Variants in HSPG2 observed in about 807,000 individuals in gnomAD.
HSPG2 encodes the protein heparan sulfate proteoglycan 2.
Under a neutral mutation model 526.6 loss-of-function variants are expected in HSPG2, and 278 were observed. That is an observed-to-expected ratio of 0.53 (90% CI 0.48 to 0.58). HSPG2 has a LOEUF of 0.58. Among genes scored for constraint, HSPG2 ranks in the 20% least tolerant of loss-of-function variants. HSPG2 has a pLI of 0.00. For missense variants in HSPG2, 5,354 were observed against 6,099.5 expected (o/e 0.88, Z 4.07); for synonymous variants, 2,465 against 2,555.4 (o/e 0.96, Z 1.07).
chr1:21,893,658 C>T lies in HSPG2; in HGVS notation c.244+2264G>A, dbSNP rs1433760071. 2.0e-5 allele frequency among the ~76,000 whole-genome samples: 3 copies of T among 151,854 alleles called. No homozygotes were observed. Among genetic ancestry groups the T allele is most frequent in the African/African-American group, 7.3e-5 (3 of 41,354 alleles). On this transcript the variant is annotated intron_variant, in intron 3 of 96. Transcript: ENST00000374695. This position sits in a 1 kb window ranked among gnomAD's most constrained non-coding sequence, Gnocchi z 4.3. ...ACGGGCGGGCGGCCCAGGGGCTGCC[C>T]TGAGCCTGCAGAGTAGAGACAGAGA... is the stretch of plus-strand genomic sequence containing the variant.
At position 21,919,627 on chromosome 1, in the gene HSPG2, A is replaced by G. The variant is rs188188308; in HGVS notation, c.63+17528T>C. Among the ~76,000 whole-genome samples, 15 of 152,212 alleles carry G rather than the reference A, an allele frequency of 9.9e-5. 2 individuals are homozygous for G. Among genetic ancestry groups the G allele is most frequent in the African/African-American group, 3.6e-4 (15 of 41,524 alleles). ...CAGGGGTGGTTTTCAGGATGAAATG[A>G]GACAGCAGACGGAAAGCAGCCCTTC... On this transcript the variant is annotated intron_variant, in intron 1 of 96. Coordinates refer to ENST00000374695, the MANE Select transcript of HSPG2 (RefSeq NM_005529.7).
At position 21,848,582 on chromosome 1, in the gene HSPG2, C is replaced by T; in HGVS notation, c.7737+61G>A. 2 of 1,579,240 alleles carry T rather than the reference C, an allele frequency of 1.3e-6. No homozygotes were observed. ...ACAGAGTGAGGTGCTGAGAGTCCCCCCTCTTCCCATTGGGGGCTGGTGTGC... is the reference window on the plus strand; with the variant it reads ...ACAGAGTGAGGTGCTGAGAGTCCCCTCTCTTCCCATTGGGGGCTGGTGTGC... On this transcript the variant is annotated intron_variant, in intron 59 of 96. Coordinates refer to ENST00000374695, the MANE Select transcript of HSPG2 (RefSeq NM_005529.7). The surrounding 1 kb of genome is among the most constrained non-coding windows in gnomAD (Gnocchi z 4.9).
chr1:21,833,645 C>A, intron 78 of HSPG2, 31 bp from the exon 79 acceptor site: 1 of 1,613,638 alleles, frequency 6.2e-7, no homozygotes, highest in Non-Finnish European at 8.5e-7. Context: ...AGGGCCCTGG[C>A]CTTGGCCCAC....
rs28546127 is a variant in HSPG2, at chr1:21,873,980, C to T, written c.3688G>A (p.Gly1230Ser). The T allele has an allele frequency of 0.036, 58,356 of 1,606,120 alleles. 2,000 individuals carry two copies. Among genetic ancestry groups the T allele is most frequent in the African/African-American group, 0.18 (13,585 of 74,852 alleles). ...AAHTCFLDTDGHPTCDACSPG... is the reference protein window; with the variant it reads ...AAHTCFLDTDSHPTCDACSPG... ...GAGCACGCATCACAGGTGGGGTGGC[C>T]GTCTGTGTCCAGAAAACAAGTGTGG... Residue 1230 changes from glycine (G) to serine (S), a missense_variant, in exon 29 of 97, where the codon GGC becomes AGC. By Grantham distance (56) the Gly-to-Ser change is moderately conservative. Transcript: ENST00000374695.
chr1:21,908,253 G>C (rs1643484556), intron 1 of HSPG2: 1 of 1,015,882 alleles, frequency 9.8e-7, no homozygotes, highest in Non-Finnish European at 1.5e-6. Flanking sequence ...AAAAAGGAAC[G>C]CCCCACAAGT....
intron 28 of HSPG2, 26 bp downstream of exon 28, chr1:21,874,380 C>T (rs1372771498): frequency 1.2e-6 from 2 of 1,610,600 alleles, no homozygotes. Flanking sequence ...CAGGGAAGGG[C>T]AGGTGCAGGC....
At chr1:21,913,698 G>C (rs1311943274) in intron 1 of HSPG2, among the ~76,000 whole-genome samples, 4 of 152,246 alleles carry the variant, frequency 2.6e-5, no homozygotes, top group African/African-American at 9.6e-5. Flanking sequence ...GCACAGGGAA[G>C]GAGGAGAAGG....
In HSPG2 at chr1:21,893,154, G is replaced by C. The variant is rs1363978371; in HGVS notation, c.245-2460C>G. On this transcript the variant is annotated intron_variant, in intron 3 of 96. Transcript: ENST00000374695. The surrounding 1 kb of genome is among the most constrained non-coding windows in gnomAD (Gnocchi z 4.3). ...CCATCCCTGCTCAACAGAACTCTCT[G>C]CAACACACCCAGGCCCCCGAACTCC... Among the ~76,000 whole-genome samples, 1 of 152,172 alleles carries C rather than the reference G, an allele frequency of 6.6e-6. No individual in the cohort carries two copies.
At chr1:21,846,049 C>A in intron 64 of HSPG2, 59 bp downstream of exon 64, 3 of 1,593,900 alleles carry the variant, frequency 1.9e-6, no homozygotes, top group Non-Finnish European at 2.6e-6. Context: ...GTTCTGCCCC[C>A]TGGTCTCTGT....
chr1:21,843,183 A>G (rs766325381), intron 66 of HSPG2, 114 bp downstream of exon 66: 71 of 1,487,872 alleles, frequency 4.8e-5, no homozygotes, highest in Non-Finnish European at 6.6e-5. Flanking sequence ...CCGTGGTAGG[A>G]AACCCCGCCT....
chr1:21,937,030 C>G (rs947124273), intron 1 of HSPG2, 125 bp downstream of exon 1: 16 of 255,992 alleles, frequency 6.3e-5, no homozygotes, highest in Non-Finnish European at 1.0e-4. Context: ...GCCGCCGTCC[C>G]GGGCCAGAGT....
Position 21,850,162 on chromosome 1 carries a change from T to G in HSPG2, c.7325A>C (p.Glu2442Ala). The G allele has an allele frequency of 6.2e-7, 1 of 1,613,368 alleles. No homozygotes were observed. Among genetic ancestry groups the G allele is most frequent in the Non-Finnish European group, 8.5e-7 (1 of 1,180,034 alleles). Reference protein sequence around the residue: ...ALGVTPTVRIESSSSQVAEGQ... With the variant: ...ALGVTPTVRIASSSSQVAEGQ... ...CTCGGCCACTTGCGAAGACGATGAC[T>G]CGATCCGGACCGTGGGGGTGACCCC... Residue 2442 changes from glutamate to alanine, a missense_variant, in exon 57 of 97, where the codon GAG becomes GCG. Glu to Ala is a moderately radical substitution (Grantham distance 107). Transcript: ENST00000374695.
Position 21,822,491 on chromosome 1 carries a change from C to G in HSPG2, c.*825G>C, listed in dbSNP as rs151090850. 638 of 372,006 alleles carry G rather than the reference C, an allele frequency of 1.7e-3. 2 individuals carry two copies. The highest frequency in any genetic ancestry group is 0.012 in the African/African-American group (562 of 47,604). The allele number at this position is 372,006 out of a possible 1,614,324, so 23.0% of individuals were successfully genotyped here. Reference sequence around the variant, plus strand: ...GCTCTTCCTGAGCACCAGCGGCATCCGTCCGTCCGTTGTCTGTTGGAGGAG... The same window carrying G: ...GCTCTTCCTGAGCACCAGCGGCATCGGTCCGTCCGTTGTCTGTTGGAGGAG... On this transcript the variant is annotated 3_prime_UTR_variant, in exon 97 of 97. Transcript: ENST00000374695.
intron 17 of HSPG2, 76 bp from the exon 18 acceptor site, chr1:21,879,197 G>A (rs1572339488): frequency 1.3e-6 from 2 of 1,572,764 alleles, no homozygotes. Context: ...CTTGGAGGCT[G>A]TCTAGCTCAG....
chr1:21,905,171 C>CACACACACA lies in HSPG2; in HGVS notation c.64-8862_64-8861insTGTGTGTGT, dbSNP rs1557816019. Among the ~76,000 whole-genome samples, 72 of 81,884 alleles carry CACACACACA rather than the reference C, an allele frequency of 8.8e-4. 1 individual carries two copies. The South Asian group carries it at 0.015, about 17-fold the overall frequency. The allele number at this position is 81,884 out of a possible 152,430, so 53.7% of individuals were successfully genotyped here. On this transcript the variant is annotated intron_variant, in intron 1 of 96. Coordinates refer to ENST00000374695, the MANE Select transcript of HSPG2 (RefSeq NM_005529.7). ...GTCTACACACACACCCACCACCCAC[C>CACACACACA]CACACACACACACACACACACACAC... is the stretch of plus-strand genomic sequence containing the variant.
chr1:21,846,415 C>T lies in HSPG2; in HGVS notation c.8316+33G>A, dbSNP rs765964814. The T allele has an allele frequency of 6.8e-6, 11 of 1,612,670 alleles. No homozygotes were observed. The East Asian group carries it at 1.1e-4, about 16-fold the overall frequency. On this transcript the variant is annotated intron_variant, in intron 63 of 96. Transcript: ENST00000374695. ...AGCTAGCCAGGGCCCCCACATCCAG[C>T]GGCTCTCCCACCATTTCCTGCCAGC... is the stretch of plus-strand genomic sequence containing the variant.
chr1:21,836,189 G>A (rs918997195), intron 75 of HSPG2, among the ~76,000 whole-genome samples: 5 of 152,088 alleles, frequency 3.3e-5, no homozygotes, highest in African/African-American at 1.2e-4. Context: ...GCTGAGATCT[G>A]GGGTCATTTG....
chr1:21,886,927 A>G (rs1641937926), intron 9 of HSPG2, among the ~76,000 whole-genome samples: 1 of 152,220 alleles, frequency 6.6e-6, no homozygotes, highest in Admixed American at 6.5e-5. Flanking sequence ...TAACAAAAAT[A>G]AAGGAAAGAA....
In HSPG2 at chr1:21,848,515, T is replaced by C. The variant is rs900314053; in HGVS notation, c.7737+128A>G. ...ATTCTCAGCACTGGTCTAGGACCCA[T>C]CCAGCAAGGATACTCAATGTTTGTT... On this transcript the variant is annotated intron_variant, in intron 59 of 96. Coordinates refer to ENST00000374695, the MANE Select transcript of HSPG2 (RefSeq NM_005529.7). This position sits in a 1 kb window ranked among gnomAD's most constrained non-coding sequence, Gnocchi z 4.9. 2 of 1,117,408 alleles carry C rather than the reference T, an allele frequency of 1.8e-6. No homozygotes were observed. Among genetic ancestry groups the C allele is most frequent in the African/African-American group, 3.1e-5 (2 of 65,188 alleles). The allele number at this position is 1,117,408 out of a possible 1,614,324, so 69.2% of individuals were successfully genotyped here. A position where few individuals can be genotyped will look rare whatever the true frequency, so the allele number is the denominator to read the frequency against.
Sources: gnomAD v4.1 joint callset for allele counts (sites outside exome capture counted in the v4.1 genomes callset) on GRCh38, gnomAD v4.1.1 for gene constraint, Gnocchi (gnomAD v3.1) non-coding constraint, MANE v1.5 for transcripts, NCBI Gene and HGNC (gene_info 2026-07-23, HGNC 2026-07-21) for gene names.